Variants in FOXN4 observed in about 807,000 individuals in gnomAD.
FOXN4 encodes forkhead box N4.
FOXN4 carries 12 observed loss-of-function variants against 45.0 expected under a neutral mutation model. The observed-to-expected ratio is 0.27, with a 90% confidence interval of 0.17 to 0.43. The LOEUF is 0.43. Ranked by LOEUF, FOXN4 falls within the 20% of genes least tolerant of loss-of-function variation. The probability of loss-of-function intolerance (pLI) is 1.00; values close to 1 mark genes in which losing one functional copy is unlikely to be tolerated. For missense variants in FOXN4, 560 were observed against 694.9 expected, an observed-to-expected ratio of 0.81 and a Z score of 2.18; for synonymous variants, 297 against 295.0, an observed-to-expected ratio of 1.01 and a Z score of -0.07.
chr12:109,282,882 T>G lies in FOXN4; in HGVS notation c.902-1083A>C, dbSNP rs2047666280. 7.3e-5 allele frequency among the ~76,000 whole-genome samples: 11 copies of G among 151,686 alleles called. 1 individual carries two copies. The South Asian group carries it at 2.3e-3, about 31-fold the overall frequency. On this transcript the variant is annotated intron_variant, in intron 8 of 9. Transcript: ENST00000299162. ...GAAGGCAAAATAACTTGCCCAAGAC[T>G]TCACTCCGAATATGTGTCAGTACTG...
intron 9 of FOXN4, among the ~76,000 whole-genome samples, chr12:109,280,651 C>T (rs765095438): frequency 6.6e-6 from 1 of 152,164 alleles, no homozygotes; most frequent in Non-Finnish European, 1.5e-5. Context: ...TGCAAATATA[C>T]CCACTTCACA....
At chr12:109,280,547 A>T (rs1356789710) in intron 9 of FOXN4, among the ~76,000 whole-genome samples, 2 of 152,190 alleles carry the variant, frequency 1.3e-5, no homozygotes, top group African/African-American at 4.8e-5. Context: ...TTCTCATGGT[A>T]TCATTATGGT....
intron 2 of FOXN4, among the ~76,000 whole-genome samples, chr12:109,306,158 G>A (rs182906279): frequency 3.9e-5 from 6 of 152,206 alleles, no homozygotes; most frequent in East Asian, 1.9e-4. Context: ...CTCCATAGAC[G>A]CGTCTCTTGC....
At chr12:109,282,630 G>T (rs1172479233) in intron 8 of FOXN4, among the ~76,000 whole-genome samples, 3 of 152,144 alleles carry the variant, frequency 2.0e-5, no homozygotes, top group Non-Finnish European at 4.4e-5. Context: ...AACATGCAAG[G>T]GGCCCTAGCC....
rs202149691 is a variant in FOXN4 at position 109,281,432 on chromosome 12, C to T, written c.1269G>A (p.Pro423=). 3.2e-5 allele frequency: 52 copies of T among 1,613,950 alleles called. No individual in the cohort carries two copies. Among genetic ancestry groups the T allele is most frequent in the East Asian group, 1.8e-4 (8 of 44,874 alleles). The change falls in exon 9 of 10, where the codon CCG becomes CCA. Residue 423 remains proline (P), a synonymous_variant. Coordinates refer to ENST00000299162, the MANE Select transcript of FOXN4 (RefSeq NM_213596.3). ...DMNTEVDALD[P]SIMDFALQGN... ...CCTGCAGAGCGAAGTCCATGATGCTCGGGTCGAGGGCATCCACCTCAGTGT... is the reference window on the plus strand; with the variant it reads ...CCTGCAGAGCGAAGTCCATGATGCTTGGGTCGAGGGCATCCACCTCAGTGT...
At chr12:109,281,864 T>C in intron 8 of FOXN4, 65 bp from the exon 9 acceptor site, 1 of 1,486,568 alleles carries the variant, frequency 6.7e-7, no homozygotes, top group Non-Finnish European at 8.9e-7. Context: ...AGCCCAGGCC[T>C]GGGTTCAAAT....
intron 2 of FOXN4, among the ~76,000 whole-genome samples, chr12:109,292,663 C>T (rs2047780031): frequency 6.6e-6 from 1 of 152,114 alleles, no homozygotes; most frequent in Non-Finnish European, 1.5e-5. Context: ...ATATTAATAT[C>T]CACCAGGTCG....
chr12:109,305,516 A>G (rs1029030297), intron 2 of FOXN4, among the ~76,000 whole-genome samples: 1 of 152,138 alleles, frequency 6.6e-6, no homozygotes, highest in Non-Finnish European at 1.5e-5. Flanking sequence ...GGATCACTTG[A>G]GGTCAGGAGT....
In FOXN4 at chr12:109,279,683, T is replaced by C; in HGVS notation, c.1542A>G (p.Ile514Met). 6.4e-7 allele frequency: 1 copy of C among 1,573,862 alleles called. No homozygotes were observed. Among genetic ancestry groups the C allele is most frequent in the Non-Finnish European group, 8.6e-7 (1 of 1,160,018 alleles). The part of the protein sequence containing the change: ...QYLGAQGNKP[I>M]ALL ...TGAGGCTGACAGCTCAAAGCAGGGC[T>C]ATAGGCTTGTTCCCCTGTGCACCCA... The change falls in exon 10 of 10, where the codon ATA becomes ATG. Residue 514 changes from isoleucine (I) to methionine (M), a missense_variant. Around this residue, in one of 5 missense-constraint regions of FOXN4, gnomAD observed 315 missense variants for 350.5 expected, o/e 0.90. Transcript: ENST00000299162.
In FOXN4 at chr12:109,291,265, A is replaced by G. The variant is rs981576561; in HGVS notation, c.87-979T>C. 2.6e-5 allele frequency among the ~76,000 whole-genome samples: 4 copies of G among 151,948 alleles called. No individual in the cohort carries two copies. The highest frequency in any genetic ancestry group is 5.9e-5 in the Non-Finnish European group (4 of 67,982). ...AAGTCACACTTGCCACGCGACTCCGAGAGCATCGGGTCTTACACCACCATC... is the reference window on the plus strand; with the variant it reads ...AAGTCACACTTGCCACGCGACTCCGGGAGCATCGGGTCTTACACCACCATC... On this transcript the variant is annotated intron_variant, in intron 2 of 9. Transcript: ENST00000299162. The surrounding 1 kb of genome is among the most constrained non-coding windows in gnomAD (Gnocchi z 6.6).
At chr12:109,302,343 C>T (rs1007427877) in intron 2 of FOXN4, among the ~76,000 whole-genome samples, 1 of 152,226 alleles carries the variant, frequency 6.6e-6, no homozygotes, top group Non-Finnish European at 1.5e-5. Context: ...ATTATGGTTT[C>T]TGTGGGAATA....
At position 109,287,156 on chromosome 12, in the gene FOXN4, G is replaced by A. The variant is rs544481611; in HGVS notation, c.596+241C>T. Among the ~76,000 whole-genome samples the A allele has an allele frequency of 2.6e-5, 4 of 152,158 alleles. No individual in the cohort carries two copies. The highest frequency in any genetic ancestry group is 4.8e-5 in the African/African-American group (2 of 41,426). On this transcript the variant is annotated intron_variant, in intron 6 of 9. Coordinates refer to ENST00000299162, the MANE Select transcript of FOXN4 (RefSeq NM_213596.3). This position sits in a 1 kb window ranked among gnomAD's most constrained non-coding sequence, Gnocchi z 4.1. Reference sequence around the variant, plus strand: ...GGTCATCCCACTTCCCCAAGGCCACGTGGCTTATGAATGAAGTGAACTGTG... The same window carrying A: ...GGTCATCCCACTTCCCCAAGGCCACATGGCTTATGAATGAAGTGAACTGTG...
chr12:109,291,256 G>A lies in FOXN4; in HGVS notation c.87-970C>T, dbSNP rs2047765095. Among the ~76,000 whole-genome samples the A allele has an allele frequency of 6.6e-6, 1 of 151,800 alleles. No homozygotes were observed. Among genetic ancestry groups the A allele is most frequent in the Non-Finnish European group, 1.5e-5 (1 of 67,954 alleles). ...AGTGCCCTCAAGTCACACTTGCCAC[G>A]CGACTCCGAGAGCATCGGGTCTTAC... On this transcript the variant is annotated intron_variant, in intron 2 of 9. Transcript: ENST00000299162. This position sits in a 1 kb window ranked among gnomAD's most constrained non-coding sequence, Gnocchi z 6.6.
At chr12:109,296,320 T>C (rs539078837) in intron 2 of FOXN4, among the ~76,000 whole-genome samples, 1 of 152,332 alleles carries the variant, frequency 6.6e-6, no homozygotes, top group Admixed American at 6.5e-5. Flanking sequence ...AGGTGTGGTA[T>C]GTGACAAGCC....
intron 2 of FOXN4, among the ~76,000 whole-genome samples, chr12:109,294,041 G>A (rs184808446): frequency 6.6e-6 from 1 of 152,312 alleles, no homozygotes; most frequent in African/African-American, 2.4e-5. Flanking sequence ...GCCTCCCTCA[G>A]GTGGTTCCTG....
In FOXN4 at chr12:109,288,639, T is replaced by G. The variant is rs764295788; in HGVS notation, c.233-459A>C. On this transcript the variant is annotated intron_variant, in intron 3 of 9. Coordinates refer to ENST00000299162, the MANE Select transcript of FOXN4 (RefSeq NM_213596.3). The surrounding 1 kb of genome is among the most constrained non-coding windows in gnomAD (Gnocchi z 4.3). ...TAGGTTTAGGTCCAAAGTACCTTTG[T>G]GCCTCCTCTCCCCTTTGCCAAGCCC... Among the ~76,000 whole-genome samples, 1 of 152,234 alleles carries G rather than the reference T, an allele frequency of 6.6e-6. No individual in the cohort carries two copies. The highest frequency in any genetic ancestry group is 1.5e-5 in the Non-Finnish European group (1 of 68,036).
At chr12:109,299,318 C>T (rs1442153392) in intron 2 of FOXN4, among the ~76,000 whole-genome samples, 1 of 152,190 alleles carries the variant, frequency 6.6e-6, no homozygotes, top group African/African-American at 2.4e-5. Context: ...CAGACACACA[C>T]ACGCACGCAT....
chr12:109,296,753 T>C (rs2047821775), intron 2 of FOXN4, among the ~76,000 whole-genome samples: 1 of 152,100 alleles, frequency 6.6e-6, no homozygotes, highest in Admixed American at 6.5e-5. Context: ...CAAAGGCTGC[T>C]CTACAAGTAC....
At chr12:109,283,353 G>A (rs1022250361) in intron 8 of FOXN4, among the ~76,000 whole-genome samples, 3 of 151,770 alleles carry the variant, frequency 2.0e-5, no homozygotes, top group East Asian at 1.9e-4. Flanking sequence ...TCTCTCACTC[G>A]CTCTCTCTCA....
Sources: gnomAD v4.1 joint callset for allele counts (sites outside exome capture counted in the v4.1 genomes callset) on GRCh38, gnomAD v4.1.1 for gene constraint, gnomAD v4.1.1 regional missense constraint, Gnocchi (gnomAD v3.1) non-coding constraint, MANE v1.5 for transcripts, NCBI Gene and HGNC (gene_info 2026-07-23, HGNC 2026-07-21) for gene names.